Variants in NLRP1 observed in about 807,000 individuals in gnomAD.
NLRP1 encodes NACHT, LRR and PYD domains-containing protein 1.
NLRP1 carries 94 observed loss-of-function variants against 136.7 expected under a neutral mutation model. That is an observed-to-expected ratio of 0.69 (90% CI 0.58 to 0.82). The LOEUF (loss-of-function observed/expected upper bound fraction) is 0.82, where lower values mean the gene tolerates loss of function less well. NLRP1 is among the 40% of genes least tolerant of loss of function. The pLI is 0.00. For missense variants in NLRP1, 1,575 were observed against 1,802.7 expected (o/e 0.87, Z 2.29); for synonymous variants, 690 against 725.1 (o/e 0.95, Z 0.78).
chr17:5,581,948 G>T lies in NLRP1; in HGVS notation c.563C>A (p.Ser188Tyr). 1.2e-6 allele frequency: 2 copies of T among 1,613,872 alleles called. No individual in the cohort carries two copies. Among genetic ancestry groups the T allele is most frequent in the Non-Finnish European group, 1.7e-6 (2 of 1,179,876 alleles). Reference protein sequence around the residue: ...TSTAVLGSWGSPPQPSLAPRE... With the variant: ...TSTAVLGSWGYPPQPSLAPRE... Reference sequence around the variant, plus strand: ...GGGTGCTAGGCTGGGCTGAGGTGGGGATCCCCAGCTCCCCAGCACTGCTGT... The same window carrying T: ...GGGTGCTAGGCTGGGCTGAGGTGGGTATCCCCAGCTCCCCAGCACTGCTGT... Residue 188 changes from serine (S) to tyrosine (Y), a missense_variant, in exon 3 of 17, where the codon TCC becomes TAC. Coordinates refer to ENST00000572272, the MANE Select transcript of NLRP1 (RefSeq NM_033004.4).
chr17:5,530,749 T>C (rs755450319), intron 11 of NLRP1, 45 bp from the exon 12 acceptor site: 65 of 1,487,672 alleles, frequency 4.4e-5, no homozygotes, highest in Admixed American at 6.7e-5. Context: ...ACGAACTCAC[T>C]GAGCACCTGC....
rs761397210 is a variant in NLRP1, at chr17:5,539,506, G to A, written c.2779C>T (p.Leu927=). Residue 927 remains leucine (L), a synonymous_variant, in exon 7 of 17, where the codon CTA becomes TTA. Transcript: ENST00000572272. The part of the protein sequence containing the change: ...VLSASPSLKE[L]DLQQNNLDDV... ...TCCAGGTTGTTCTGCTGCAGGTCTAGCTCCTTCAGGCTGGGGCTGGCACTA... is the reference window on the plus strand; with the variant it reads ...TCCAGGTTGTTCTGCTGCAGGTCTAACTCCTTCAGGCTGGGGCTGGCACTA... 24 of 1,614,124 alleles carry A rather than the reference G, an allele frequency of 1.5e-5. No homozygotes were observed. Among genetic ancestry groups the A allele is most frequent in the Non-Finnish European group, 2.0e-5 (24 of 1,180,022 alleles).
At chr17:5,511,161 T>C (rs1907603015), downstream of NLRP1, among the ~76,000 whole-genome samples, 1 of 152,174 alleles carries the variant, frequency 6.6e-6, no homozygotes, top group Admixed American at 6.5e-5. Context: ...CCGGGCACGG[T>C]GGCTCACACT....
At chr17:5,510,684 T>A (rs55639223), downstream of NLRP1, among the ~76,000 whole-genome samples, 70,450 of 149,986 alleles carry the variant, frequency 0.47, 17,422 homozygotes, top group East Asian at 0.9. Context: ...TGAAAAAAAA[T>A]TTTTTTTTTT....
chr17:5,534,421 T>G (rs1036479666), intron 8 of NLRP1, among the ~76,000 whole-genome samples: 1 of 152,136 alleles, frequency 6.6e-6, no homozygotes, highest in Admixed American at 6.5e-5. Flanking sequence ...CTCAATCCTG[T>G]GGTTCTTCTG....
chr17:5,563,171 C>T (rs961885891), intron 3 of NLRP1, among the ~76,000 whole-genome samples: 13 of 152,230 alleles, frequency 8.5e-5, no homozygotes, highest in Non-Finnish European at 1.8e-4. Flanking sequence ...CCCACACACA[C>T]GAGAAAGAAC....
In NLRP1 at chr17:5,515,052, G is replaced by C. The variant is rs188604617; in HGVS notation, c.4124C>G (p.Ala1375Gly). 3.0e-5 allele frequency: 49 copies of C among 1,614,016 alleles called. No homozygotes were observed. The East Asian group carries it at 9.1e-4, about 30-fold the overall frequency. ...ARIAVPSPLD[A>G]PQLLHFVDQY... The stretch of plus-strand genomic sequence containing the variant: ...GTCCACAAAGTGCAGCAACTGCGGG[G>C]CATCCAGAGGTGAAGGTACGGCTGG... The change falls in exon 17 of 17, where the codon GCC (alanine) becomes GGC (glycine). Residue 1375 changes from alanine to glycine, a missense_variant. Ala to Gly is a moderately conservative substitution (Grantham distance 60). Transcript: ENST00000572272.
intron 5 of NLRP1, among the ~76,000 whole-genome samples, chr17:5,546,638 A>G (rs12952718): frequency 0.047 from 7,190 of 152,334 alleles, 199 homozygotes; most frequent in Middle Eastern, 0.085. Context: ...CCAAAAGTGA[A>G]ATAAGCCAGA....
chr17:5,510,367 T>G (rs900055128), downstream of NLRP1, among the ~76,000 whole-genome samples: 5 of 146,118 alleles, frequency 3.4e-5, no homozygotes, highest in Admixed American at 6.9e-5. Context: ...AAAAAACTGG[T>G]TTTTTTTTTT....
At position 5,515,530 on chromosome 17, in the gene NLRP1, A is replaced by G; in HGVS notation, c.4058-13T>C. 1 of 1,608,798 alleles carries G rather than the reference A, an allele frequency of 6.2e-7. No homozygotes were observed. Among genetic ancestry groups the G allele is most frequent in the South Asian group, 1.1e-5 (1 of 90,934 alleles). ...GGCATGAGATCTCCTGGAGGAAAAC[A>G]GAGATGAAGATGCATCTGAAACAGT... On this transcript the variant is annotated splice_polypyrimidine_tract_variant and intron_variant, in intron 15 of 16. Coordinates refer to ENST00000572272, the MANE Select transcript of NLRP1 (RefSeq NM_033004.4).
Position 5,533,915 on chromosome 17 carries a change from G to A in NLRP1, c.3034C>T (p.Arg1012Trp), listed in dbSNP as rs779883990. The stretch of plus-strand genomic sequence containing the variant: ...AAACTACCTGATCCGAGTCTCTGCC[G>A]CTTGAGTGAGGATGTGCTATTACTC... The part of the protein sequence containing the change: ...EMSNSTSSLK[R>W]QRLGSERAAS... The change falls in exon 9 of 17, where the codon CGG becomes TGG. Residue 1012 changes from arginine (R) to tryptophan (W), a missense_variant. Transcript: ENST00000572272. 12 of 1,611,248 alleles carry A rather than the reference G, an allele frequency of 7.4e-6. No individual in the cohort carries two copies. The highest frequency in any genetic ancestry group is 1.6e-4 in the Middle Eastern group (1 of 6,078).
At chr17:5,556,859 G>A (rs1186951285) in intron 4 of NLRP1, among the ~76,000 whole-genome samples, 1 of 150,800 alleles carries the variant, frequency 6.6e-6, no homozygotes, top group East Asian at 2.0e-4. Flanking sequence ...CCTGACCTCA[G>A]GTGATCCACC....
chr17:5,526,667 T>A (rs189882966), intron 12 of NLRP1, among the ~76,000 whole-genome samples: 149 of 152,308 alleles, frequency 9.8e-4, no homozygotes, highest in Non-Finnish European at 1.8e-3. Context: ...CATGGATGTG[T>A]GGCCTGTGCA....
intron 8 of NLRP1, among the ~76,000 whole-genome samples, chr17:5,535,114 G>A (rs1910866623): frequency 6.6e-6 from 1 of 152,136 alleles, no homozygotes; most frequent in African/African-American, 2.4e-5. Context: ...CAGCTACTCT[G>A]GAGGCTGAGG....
At chr17:5,518,216 A>C in intron 14 of NLRP1, 5 of 213,844 alleles carry the variant, frequency 2.3e-5, no homozygotes, top group East Asian at 1.2e-4. Context: ...TGGACCCTAA[A>C]CTCCACCCAC....
intron 1 of NLRP1, 73 bp from the exon 2 acceptor site, chr17:5,582,919 TCTC>T: frequency 1.6e-6 from 2 of 1,249,272 alleles, no homozygotes; most frequent in Non-Finnish European, 2.2e-6. Context: ...ACTGAGCTGG[TCTC>T]CTCTCTCAAC....
At chr17:5,569,847 A>T (rs1222177348) in intron 3 of NLRP1, among the ~76,000 whole-genome samples, 1 of 152,220 alleles carries the variant, frequency 6.6e-6, no homozygotes, top group Non-Finnish European at 1.5e-5. Flanking sequence ...CATATACTGT[A>T]AAATCAACCA....
chr17:5,504,038 A>G lies in NLRP1; in HGVS notation c.4070-2166T>C, dbSNP rs1907219244. The G allele has an allele frequency of 6.6e-6, 1 of 152,424 alleles. No individual in the cohort carries two copies. Among genetic ancestry groups the G allele is most frequent in the South Asian group, 2.0e-4 (1 of 4,964 alleles). The allele number at this position is 152,424 out of a possible 1,614,324, so 9.4% of individuals were successfully genotyped here. On this transcript the variant is annotated intron_variant, in intron 15 of 15. Transcript: ENST00000262467. This position sits in a 1 kb window ranked among gnomAD's most constrained non-coding sequence, Gnocchi z 4.4. ...CACTGTCTGAGTCAATAGGAATCAG[A>G]GATTTGAGTCTGCCAGGCCAAAGCC...
At position 5,521,585 on chromosome 17, in the gene NLRP1, A is replaced by G; in HGVS notation, c.3722T>C (p.Val1241Ala). 1 of 1,614,132 alleles carries G rather than the reference A, an allele frequency of 6.2e-7. No homozygotes were observed. Among genetic ancestry groups the G allele is most frequent in the Non-Finnish European group, 8.5e-7 (1 of 1,180,006 alleles). Residue 1241 changes from valine to alanine, a missense_variant, in exon 13 of 17, where the codon GTC becomes GCC. By Grantham distance (64) the Val-to-Ala change is moderately conservative. Transcript: ENST00000572272. ...VTSVVLLYHR[V>A]HPEEVTFHLY... ...GTGGAAGGTGACTTCCTCAGGATGGACGCGGTGGTAAAGCAACACCACAGA... is the reference window on the plus strand; with the variant it reads ...GTGGAAGGTGACTTCCTCAGGATGGGCGCGGTGGTAAAGCAACACCACAGA...
Sources: gnomAD v4.1 joint callset for allele counts (sites outside exome capture counted in the v4.1 genomes callset) on GRCh38, gnomAD v4.1.1 for gene constraint, Gnocchi (gnomAD v3.1) non-coding constraint, MANE v1.5 for transcripts, NCBI Gene and HGNC (gene_info 2026-07-23, HGNC 2026-07-21) for gene names.